ANKFN1: variants seen among roughly 807,000 people sequenced by gnomAD.
ANKFN1 encodes ankyrin repeat and fibronectin type-III domain-containing protein 1.
Under a neutral mutation model 108.7 loss-of-function variants are expected in ANKFN1, and 74 were observed. That is an observed-to-expected ratio of 0.68 (90% CI 0.56 to 0.83). The LOEUF (loss-of-function observed/expected upper bound fraction) is 0.83, where lower values mean the gene tolerates loss of function less well. Ranked by LOEUF, ANKFN1 falls within the 40% of genes least tolerant of loss-of-function variation. The pLI, the probability that ANKFN1 is intolerant of heterozygous loss-of-function variation, is 0.00. For missense variants in ANKFN1, 1,505 were observed against 1,382.3 expected, an observed-to-expected ratio of 1.09 and a Z score of -1.41; for synonymous variants, 547 against 516.2, an observed-to-expected ratio of 1.06 and a Z score of -0.81.
intron 10 of ANKFN1, among the ~76,000 whole-genome samples, chr17:56,448,256 A>T (rs1434749782): frequency 6.6e-6 from 1 of 151,830 alleles, no homozygotes; most frequent in Non-Finnish European, 1.5e-5. Flanking sequence ...GAAGGGATGG[A>T]CTCTGAAATG....
At chr17:56,301,345 C>G (rs2044665629) in intron 3 of ANKFN1, among the ~76,000 whole-genome samples, 2 of 152,198 alleles carry the variant, frequency 1.3e-5, no homozygotes, top group South Asian at 4.1e-4. Context: ...TTTCTGGACA[C>G]TAAGGGTCAC....
chr17:56,062,240 A>G (rs1904986949), intron 4 of ANKFN1, among the ~76,000 whole-genome samples: 1 of 152,198 alleles, frequency 6.6e-6, no homozygotes, highest in South Asian at 2.1e-4. Flanking sequence ...GTAGATGTCC[A>G]TTAGGTCCAC....
chr17:56,293,724 G>C (rs952092542), intron 3 of ANKFN1, among the ~76,000 whole-genome samples: 4 of 152,172 alleles, frequency 2.6e-5, no homozygotes, highest in African/African-American at 9.7e-5. Flanking sequence ...TCTGAGATTT[G>C]ATTGCCAAAA....
intron 11 of ANKFN1, among the ~76,000 whole-genome samples, chr17:56,450,057 G>C (rs2145204166): frequency 6.6e-6 from 1 of 152,304 alleles, no homozygotes. Flanking sequence ...CCTACATGAA[G>C]TTTTCATTTT....
intron 20 of ANKFN1, among the ~76,000 whole-genome samples, chr17:56,503,794 A>G (rs1269094945): frequency 1.3e-5 from 2 of 151,998 alleles, no homozygotes; most frequent in African/African-American, 2.4e-5. Context: ...AGCCAGCACT[A>G]ATACTATGAG....
At chr17:56,048,673 C>T (rs1904721294) in intron 4 of ANKFN1, among the ~76,000 whole-genome samples, 1 of 152,182 alleles carries the variant, frequency 6.6e-6, no homozygotes, top group Non-Finnish European at 1.5e-5. Flanking sequence ...TCATTTCCAT[C>T]CCTGTAAAGG....
At chr17:56,463,082 C>T (rs1452749733) in intron 14 of ANKFN1, among the ~76,000 whole-genome samples, 1 of 152,146 alleles carries the variant, frequency 6.6e-6, no homozygotes, top group East Asian at 1.9e-4. Flanking sequence ...TAGTGAGCTC[C>T]TTTAATATAT....
chr17:56,434,393 AAAG>A (rs1555652384), intron 8 of ANKFN1, among the ~76,000 whole-genome samples: 3 of 150,998 alleles, frequency 2.0e-5, no homozygotes, highest in Admixed American at 6.6e-5. Context: ...AAAAAAAAAA[AAAG>A]AAGAAGAAGA....
rs528283604 is a variant in ANKFN1 at position 56,187,891 on chromosome 17, T to C, written c.-70-24707T>C. On this transcript the variant is annotated intron_variant, in intron 1 of 20. Transcript: ENST00000682825. ...GGTGGGAATTGAACAATGAGAACAC[T>C]TGGACACAGGTTGGGGAACATGACA... is the stretch of plus-strand genomic sequence containing the variant. Among the ~76,000 whole-genome samples the C allele has an allele frequency of 7.4e-4, 112 of 151,752 alleles. No homozygotes were observed. In the South Asian group the frequency reaches 0.017, roughly 24 times the overall value.
chr17:56,079,535 T>C (rs578063420), intron 4 of ANKFN1, among the ~76,000 whole-genome samples: 3 of 151,764 alleles, frequency 2.0e-5, no homozygotes, highest in East Asian at 3.9e-4. Context: ...AAAGAAGAAA[T>C]AGAGTCAGAA....
intron 4 of ANKFN1, among the ~76,000 whole-genome samples, chr17:56,070,326 A>C (rs564911342): frequency 2.0e-5 from 3 of 152,286 alleles, no homozygotes; most frequent in African/African-American, 7.2e-5. Context: ...TGGTGGCTCC[A>C]GGAGTTCCTT....
At chr17:56,213,872 C>T (rs568390100) in intron 2 of ANKFN1, among the ~76,000 whole-genome samples, 16 of 152,214 alleles carry the variant, frequency 1.1e-4, no homozygotes, top group Admixed American at 3.9e-4. Flanking sequence ...AGGGATCGTA[C>T]TGTGCCCAGG....
chr17:56,167,615 T>C (rs565570762), intron 1 of ANKFN1, among the ~76,000 whole-genome samples: 2 of 152,178 alleles, frequency 1.3e-5, no homozygotes, highest in Admixed American at 1.3e-4. Flanking sequence ...TACTACACTA[T>C]AGTTTAGTAA....
chr17:56,319,230 T>A (rs2045294205), intron 3 of ANKFN1, among the ~76,000 whole-genome samples: 1 of 152,208 alleles, frequency 6.6e-6, no homozygotes, highest in Non-Finnish European at 1.5e-5. Flanking sequence ...TGGTGAAGAT[T>A]CATATGATTT....
Position 56,239,369 on chromosome 17 carries a change from T to C in ANKFN1, c.53+11412T>C, listed in dbSNP as rs185814196. Among the ~76,000 whole-genome samples the C allele has an allele frequency of 1.6e-4, 25 of 152,242 alleles. No individual in the cohort carries two copies. In the East Asian group the frequency reaches 4.6e-3, roughly 28 times the overall value. On this transcript the variant is annotated intron_variant, in intron 3 of 20. Coordinates refer to ENST00000682825, the MANE Select transcript of ANKFN1 (RefSeq NM_001370326.1). Reference sequence around the variant, plus strand: ...AATAATATGGTGCAATAGTTCAACATAGCCATAAGCTAACAATTGAAGTGT... The same window carrying C: ...AATAATATGGTGCAATAGTTCAACACAGCCATAAGCTAACAATTGAAGTGT...
intron 1 of ANKFN1, among the ~76,000 whole-genome samples, chr17:56,165,565 C>A (rs1910065826): frequency 6.6e-6 from 1 of 152,206 alleles, no homozygotes; most frequent in Non-Finnish European, 1.5e-5. Flanking sequence ...ATAGTCAGCA[C>A]CACACACCCT....
chr17:56,208,020 T>TA (rs1914673005), intron 1 of ANKFN1, among the ~76,000 whole-genome samples: 1 of 152,192 alleles, frequency 6.6e-6, no homozygotes, highest in African/African-American at 2.4e-5. Context: ...TATTTTTTCT[T>TA]ATTTGAGACA....
At chr17:56,161,663 T>C (rs1208699279) in intron 1 of ANKFN1, among the ~76,000 whole-genome samples, 2 of 152,134 alleles carry the variant, frequency 1.3e-5, no homozygotes, top group African/African-American at 4.8e-5. Flanking sequence ...TAAACATTTA[T>C]TGAATGATGA....
intron 4 of ANKFN1, among the ~76,000 whole-genome samples, chr17:56,083,602 A>G (rs113903727): frequency 2.6e-5 from 4 of 151,554 alleles, no homozygotes; most frequent in African/African-American, 7.2e-5. Flanking sequence ...CAACAGAAGC[A>G]TTATGTCAGT....
Sources: gnomAD v4.1 joint callset for allele counts (sites outside exome capture counted in the v4.1 genomes callset) on GRCh38, gnomAD v4.1.1 for gene constraint, MANE v1.5 for transcripts, NCBI Gene and HGNC (gene_info 2026-07-23, HGNC 2026-07-21) for gene names.